The following SCN2B variants were observed in gnomAD, a reference collection of about 807,000 sequenced individuals.
SCN2B encodes the protein sodium channel regulatory subunit beta-2.
SCN2B carries 14 observed loss-of-function variants against 18.2 expected under a neutral mutation model. The observed-to-expected ratio is 0.77, with a 90% CI of 0.51 to 1.21. The LOEUF (loss-of-function observed/expected upper bound fraction) is 1.21. Among genes scored for constraint, SCN2B ranks in the 50% most tolerant of loss-of-function variants. The probability of loss-of-function intolerance (pLI) is 0.00; values close to 1 mark genes in which losing one functional copy is unlikely to be tolerated. For synonymous variants in SCN2B, 115 were observed against 115.3 expected (o/e 1.00, Z 0.02); for missense variants, 262 against 286.9 (o/e 0.91, Z 0.63).
rs933486288 is a variant in SCN2B at position 118,168,356 on chromosome 11, G to A, written c.238-61C>T. The A allele has an allele frequency of 1.4e-6, 2 of 1,476,078 alleles. No homozygotes were observed. Among genetic ancestry groups the A allele is most frequent in the East Asian group, 2.3e-5 (1 of 44,268 alleles). 91.4% of individuals were successfully genotyped at this position (1,476,078 alleles called of 1,614,324 possible). On this transcript the variant is annotated intron_variant, in intron 2 of 3. Transcript: ENST00000278947. This position sits in a 1 kb window ranked among gnomAD's most constrained non-coding sequence, Gnocchi z 4.7. ...ATGAGCAAGGAACTACAAGGACAGT[G>A]AGGATGCCCCCTCTTCCCATCCACC...
intron 1 of SCN2B, among the ~76,000 whole-genome samples, chr11:118,170,986 G>T (rs1293169944): frequency 6.6e-6 from 1 of 152,050 alleles, no homozygotes; most frequent in Non-Finnish European, 1.5e-5. Context: ...TCACAAAGCC[G>T]TAGAAGCAGC....
chr11:118,172,536 C>T (rs1286815996), intron 1 of SCN2B, among the ~76,000 whole-genome samples: 3 of 152,222 alleles, frequency 2.0e-5, no homozygotes, highest in African/African-American at 4.8e-5. Flanking sequence ...GGAATTGTAC[C>T]ATTTAAAGGA....
intron 1 of SCN2B, among the ~76,000 whole-genome samples, chr11:118,171,770 C>CT (rs1565464138): frequency 6.6e-6 from 1 of 152,212 alleles, no homozygotes. Flanking sequence ...CAGCGGGGCC[C>CT]TGCAGAAGGT....
chr11:118,168,396 G>A lies in SCN2B; in HGVS notation c.238-101C>T. 1.5e-6 allele frequency: 2 copies of A among 1,313,550 alleles called. No individual in the cohort carries two copies. The highest frequency in any genetic ancestry group is 2.4e-5 in the South Asian group (2 of 83,846). The allele number at this position is 1,313,550 out of a possible 1,614,324, so 81.4% of individuals were successfully genotyped here. ...TCCCATCCACCCTTTTCCTGGGGAA[G>A]AGAGGCAGTTACCTCTGTGAGGCAC... On this transcript the variant is annotated intron_variant, in intron 2 of 3. Coordinates refer to ENST00000278947, the MANE Select transcript of SCN2B (RefSeq NM_004588.5). This position sits in a 1 kb window ranked among gnomAD's most constrained non-coding sequence, Gnocchi z 4.7.
chr11:118,176,517 G>A lies in SCN2B; in HGVS notation c.-86C>T, dbSNP rs1948469966. On this transcript the variant is annotated 5_prime_UTR_variant, in exon 1 of 4. Transcript: ENST00000278947. ...AACTACAAGGGAGGAATGGTTGGAT[G>A]CTAAAAAAAAATGCACGGATGTACT... The A allele has an allele frequency of 9.1e-6, 9 of 984,028 alleles. No homozygotes were observed. In the East Asian group the frequency reaches 1.2e-4, roughly 13 times the overall value. The allele number at this position is 984,028 out of a possible 1,614,324, so 61.0% of individuals were successfully genotyped here. A position where few individuals can be genotyped will look rare whatever the true frequency, so the allele number is the denominator to read the frequency against.
chr11:118,170,568 C>A (rs1207053402), intron 1 of SCN2B, among the ~76,000 whole-genome samples: 1 of 152,072 alleles, frequency 6.6e-6, no homozygotes, highest in Non-Finnish European at 1.5e-5. Flanking sequence ...GAGGTCCCTG[C>A]AGGGTTGGGG....
intron 1 of SCN2B, among the ~76,000 whole-genome samples, chr11:118,170,637 C>T (rs981827091): frequency 6.6e-6 from 1 of 152,050 alleles, no homozygotes; most frequent in African/African-American, 2.4e-5. Flanking sequence ...ATGTGGGAAT[C>T]GCATAGACAA....
rs926157678 is a variant in SCN2B at position 118,168,749 on chromosome 11, G to C, written c.73C>G (p.Pro25Ala). 1.9e-6 allele frequency: 3 copies of C among 1,613,958 alleles called. No homozygotes were observed. The African/African-American group carries it at 4.0e-5, about 22-fold the overall frequency. The change falls in exon 2 of 4, where the codon CCA becomes GCA. Residue 25 changes from proline (P) to alanine (A), a missense_variant and splice_region_variant. Transcript: ENST00000278947. The surrounding 1 kb of genome is among the most constrained non-coding windows in gnomAD (Gnocchi z 4.7). ...GTGACCTCCATGCTCCGTCCTGGTG[G>C]CACTGCAGATGAAGCCACAAGCTGG... Reference protein sequence around the residue: ...TGLSLFFSLVPPGRSMEVTVP... With the variant: ...TGLSLFFSLVAPGRSMEVTVP...
chr11:118,176,616 AAAAG>A lies in SCN2B; in HGVS notation c.-189_-186del. 2 of 377,550 alleles carry A rather than the reference AAAAG, an allele frequency of 5.3e-6. No homozygotes were observed. The highest frequency in any genetic ancestry group is 4.3e-5 in the South Asian group (2 of 46,150). The allele number at this position is 377,550 out of a possible 1,614,324, so 23.4% of individuals were successfully genotyped here. A position where few individuals can be genotyped will look rare whatever the true frequency, so the allele number is the denominator to read the frequency against. ...ATGGCCGGCTTGTATGTTGCTGCTA[AAAAG>A]AGAGAGAGAGGGAGTGTGTAAAGGA... On this transcript the variant is annotated 5_prime_UTR_variant, in exon 1 of 4. Coordinates refer to ENST00000278947, the MANE Select transcript of SCN2B (RefSeq NM_004588.5).
Position 118,168,188 on chromosome 11 carries a change from T to C in SCN2B, c.345A>G (p.Arg115=). The C allele has an allele frequency of 6.2e-7, 1 of 1,614,214 alleles. No homozygotes were observed. Among genetic ancestry groups the C allele is most frequent in the South Asian group, 1.1e-5 (1 of 91,080 alleles). The stretch of plus-strand genomic sequence containing the variant: ...TCCCCTCATCCTCCGGCTGCACGTT[T>C]CTCAGCATCACCGACACATCGTACT... The part of the protein sequence containing the change: ...PSKYDVSVML[R]NVQPEDEGIY... The change falls in exon 3 of 4, where the codon AGA becomes AGG. Residue 115 remains arginine, a synonymous_variant. Coordinates refer to ENST00000278947, the MANE Select transcript of SCN2B (RefSeq NM_004588.5). The surrounding 1 kb of genome is among the most constrained non-coding windows in gnomAD (Gnocchi z 4.7).
At chr11:118,172,714 C>T (rs1310017818) in intron 1 of SCN2B, among the ~76,000 whole-genome samples, 2 of 152,340 alleles carry the variant, frequency 1.3e-5, no homozygotes, top group Non-Finnish European at 2.9e-5. Context: ...CCCGCTGTCT[C>T]CAAGGCACAT....
intron 3 of SCN2B, among the ~76,000 whole-genome samples, chr11:118,167,373 G>T (rs559550421): frequency 6.6e-6 from 1 of 152,318 alleles, no homozygotes; most frequent in East Asian, 1.9e-4. Context: ...CTTACGAATT[G>T]CGTGACCTTA....
At chr11:118,169,125 C>CAT (rs1428603500) in intron 1 of SCN2B, among the ~76,000 whole-genome samples, 2 of 152,148 alleles carry the variant, frequency 1.3e-5, no homozygotes, top group Non-Finnish European at 2.9e-5. Context: ...TGGGCAGGCA[C>CAT]ATATGGGGCA....
In SCN2B at chr11:118,165,283, G is replaced by A. The variant is rs1948368768; in HGVS notation, c.*1604C>T. The stretch of plus-strand genomic sequence containing the variant: ...GAAGAGGGCAGGACCCTCAGTTTCT[G>A]TCAGTTGGAACCTCAGTTTCCCCAT... On this transcript the variant is annotated 3_prime_UTR_variant, in exon 4 of 4. Coordinates refer to ENST00000278947, the MANE Select transcript of SCN2B (RefSeq NM_004588.5). 1 of 152,640 alleles carries A rather than the reference G, an allele frequency of 6.6e-6. No individual in the cohort carries two copies. 9.5% of individuals were successfully genotyped at this position (152,640 alleles called of 1,614,324 possible). A position where few individuals can be genotyped will look rare whatever the true frequency, so the allele number is the denominator to read the frequency against.
chr11:118,170,174 T>C (rs1409762986), intron 1 of SCN2B, among the ~76,000 whole-genome samples: 3 of 152,148 alleles, frequency 2.0e-5, no homozygotes, highest in Non-Finnish European at 4.4e-5. Flanking sequence ...TCATGAAGCT[T>C]ATATTCTGGG....
intron 1 of SCN2B, among the ~76,000 whole-genome samples, chr11:118,174,419 C>G (rs1034651861): frequency 6.6e-6 from 1 of 152,110 alleles, no homozygotes; most frequent in East Asian, 1.9e-4. Context: ...CCTGCCCTTT[C>G]TCTTTGCCAC....
At chr11:118,176,162 G>A (rs1405790336) in intron 1 of SCN2B, among the ~76,000 whole-genome samples, 200 bp downstream of exon 1, 2 of 152,060 alleles carry the variant, frequency 1.3e-5, no homozygotes, top group Non-Finnish European at 2.9e-5. Context: ...CAGATCCCCT[G>A]ACCCAACATT....
chr11:118,167,190 T>A, intron 3 of SCN2B, 104 bp from the exon 4 acceptor site: 1 of 1,220,552 alleles, frequency 8.2e-7, no homozygotes, highest in South Asian at 1.4e-5. Context: ...TTTACTCTCC[T>A]CCACAGACAG....
At chr11:118,169,805 G>T (rs1455268551) in intron 1 of SCN2B, among the ~76,000 whole-genome samples, 1 of 152,172 alleles carries the variant, frequency 6.6e-6, no homozygotes, top group Non-Finnish European at 1.5e-5. Context: ...GCTGAGAAAG[G>T]CCTGTCCCAC....
Sources: allele counts gnomAD v4.1 joint callset (sites outside exome capture counted in the v4.1 genomes callset), GRCh38; gene constraint gnomAD v4.1.1; non-coding constraint Gnocchi (gnomAD v3.1); transcripts MANE v1.5; gene names NCBI Gene and HGNC (gene_info 2026-07-23, HGNC 2026-07-21).